The following SUGCT variants were observed in gnomAD, a reference collection of about 807,000 sequenced individuals.
SUGCT encodes the protein succinyl-CoA:glutarate-CoA transferase, also known as succinyl-CoA:glutarate CoA-transferase.
SUGCT carries 41 observed loss-of-function variants against 55.0 expected under a neutral mutation model. That is an observed-to-expected ratio of 0.74 (90% CI 0.58 to 0.97). The LOEUF is 0.97. Among genes scored for constraint, SUGCT ranks in the 50% least tolerant of loss-of-function variants. SUGCT has a pLI of 0.00. For missense variants in SUGCT, 568 were observed against 547.8 expected (o/e 1.04, Z -0.37); for synonymous variants, 187 against 200.4 (o/e 0.93, Z 0.56).
intron 13 of SUGCT, among the ~76,000 whole-genome samples, chr7:40,841,633 T>C (rs778406256): frequency 3.7e-4 from 57 of 152,224 alleles, no homozygotes; most frequent in Non-Finnish European, 6.6e-4. Context: ...ATCTCTGACA[T>C]AGTTTCATTT....
chr7:40,955,316 T>C, the SUGCT span, among the ~76,000 whole-genome samples: 7 of 152,168 alleles, frequency 4.6e-5, no homozygotes, highest in Admixed American at 3.3e-4. Context: ...CCTTGAGCAG[T>C]AGTTTGTAGT....
intron 9 of SUGCT, among the ~76,000 whole-genome samples, chr7:40,414,348 C>T (rs559108620): frequency 9.2e-5 from 14 of 152,230 alleles, no homozygotes; most frequent in Admixed American, 9.2e-4. Context: ...CATATCCATG[C>T]TGTATATGCT....
chr7:40,222,565 G>A (rs1372331445), intron 6 of SUGCT, among the ~76,000 whole-genome samples: 1 of 152,170 alleles, frequency 6.6e-6, no homozygotes. Flanking sequence ...CAAAATTAGT[G>A]GAATAGACTG....
intron 9 of SUGCT, among the ~76,000 whole-genome samples, chr7:40,356,681 T>C (rs553368271): frequency 1.3e-5 from 2 of 152,360 alleles, no homozygotes; most frequent in East Asian, 3.9e-4. Context: ...CCACTCTAAA[T>C]TGTAACACAT....
chr7:40,373,845 G>A (rs1784418997), intron 9 of SUGCT, among the ~76,000 whole-genome samples: 1 of 152,088 alleles, frequency 6.6e-6, no homozygotes, highest in South Asian at 2.1e-4. Flanking sequence ...TGTTTCAAAT[G>A]CTTTATAGTA....
intron 9 of SUGCT, among the ~76,000 whole-genome samples, chr7:40,437,144 T>C (rs148176717): frequency 4.6e-5 from 7 of 152,300 alleles, no homozygotes; most frequent in African/African-American, 1.7e-4. Flanking sequence ...GTTTTCTTTA[T>C]GAGAAAAATA....
intron 8 of SUGCT, among the ~76,000 whole-genome samples, chr7:40,291,672 A>AT (rs112593088): frequency 5.1e-4 from 76 of 149,386 alleles, no homozygotes; most frequent in Middle Eastern, 7.0e-3. Flanking sequence ...AAAATAAAAA[A>AT]ATATATATAT....
At chr7:40,490,570 A>T (rs1791623553) in intron 11 of SUGCT, among the ~76,000 whole-genome samples, 1 of 152,134 alleles carries the variant, frequency 6.6e-6, no homozygotes, top group Non-Finnish European at 1.5e-5. Flanking sequence ...GTGCAATAGG[A>T]TGTCTCAGCC....
chr7:40,575,595 GA>G (rs772789990), intron 12 of SUGCT, among the ~76,000 whole-genome samples: 4,069 of 143,322 alleles, frequency 0.028, 159 homozygotes, highest in African/African-American at 0.093. Context: ...ATTTAAATGG[GA>G]AAAAAAAAAA....
At chr7:40,768,201 G>A (rs1175130401) in intron 13 of SUGCT, among the ~76,000 whole-genome samples, 1 of 152,120 alleles carries the variant, frequency 6.6e-6, no homozygotes, top group Admixed American at 6.5e-5. Flanking sequence ...CAGCAGGTAA[G>A]ATTCCATAGT....
intron 1 of SUGCT, among the ~76,000 whole-genome samples, chr7:40,141,282 A>G (rs1473841036): frequency 2.0e-5 from 3 of 151,834 alleles, no homozygotes; most frequent in African/African-American, 4.8e-5. Flanking sequence ...TGCTGGGATT[A>G]CAGGCATGAG....
At chr7:40,487,109 A>T in intron 11 of SUGCT, among the ~76,000 whole-genome samples, 1 of 126,906 alleles carries the variant, frequency 7.9e-6, no homozygotes, top group African/African-American at 3.1e-5. Flanking sequence ...TTTGACACAG[A>T]GTTTCACTGT....
intron 13 of SUGCT, among the ~76,000 whole-genome samples, chr7:40,848,955 G>A (rs1328449247): frequency 6.6e-6 from 1 of 152,098 alleles, no homozygotes; most frequent in Non-Finnish European, 1.5e-5. Context: ...TAAAAATATT[G>A]TTATTGTTAT....
At chr7:40,719,165 T>C (rs1786183436) in intron 12 of SUGCT, among the ~76,000 whole-genome samples, 1 of 152,220 alleles carries the variant, frequency 6.6e-6, no homozygotes, top group Non-Finnish European at 1.5e-5. Context: ...CCTTTGATCC[T>C]TCAGGGCATT....
At chr7:40,344,690 G>C (rs974146275) in intron 9 of SUGCT, among the ~76,000 whole-genome samples, 6 of 152,126 alleles carry the variant, frequency 3.9e-5, no homozygotes, top group African/African-American at 1.2e-4. Context: ...CCATGCTTTA[G>C]AGTATCTTCA....
intron 6 of SUGCT, among the ~76,000 whole-genome samples, chr7:40,201,001 T>TA (rs1786565164): frequency 6.6e-6 from 1 of 152,190 alleles, no homozygotes; most frequent in Non-Finnish European, 1.5e-5. Flanking sequence ...GTTGGATTCT[T>TA]ACGGCATGAG....
intron 9 of SUGCT, among the ~76,000 whole-genome samples, chr7:40,434,037 A>C (rs1347892320): frequency 6.6e-6 from 1 of 152,174 alleles, no homozygotes; most frequent in East Asian, 1.9e-4. Context: ...TCTGGAAATA[A>C]TTATTGCTTT....
At chr7:40,991,137 A>G in the SUGCT span, among the ~76,000 whole-genome samples, 2 of 152,074 alleles carry the variant, frequency 1.3e-5, no homozygotes, top group Non-Finnish European at 2.9e-5. Flanking sequence ...GAGATGTGCA[A>G]CTCTTCCTTT....
the SUGCT span, among the ~76,000 whole-genome samples, chr7:41,035,392 A>C: frequency 6.6e-6 from 1 of 152,168 alleles, no homozygotes; most frequent in African/African-American, 2.4e-5. Flanking sequence ...CCATCCTGAA[A>C]TAACATGCAA....
Sources: allele counts gnomAD v4.1 joint callset (sites outside exome capture counted in the v4.1 genomes callset), GRCh38; gene constraint gnomAD v4.1.1; transcripts MANE v1.5; gene names NCBI Gene and HGNC (gene_info 2026-07-23, HGNC 2026-07-21).